The following MICU1 variants were observed in gnomAD, a reference collection of about 807,000 sequenced individuals.
MICU1 encodes mitochondrial calcium uptake 1.
Under a neutral mutation model 56.8 loss-of-function variants are expected in MICU1, and 45 were observed. The ratio of observed to expected loss-of-function variants is 0.79; its 90% CI spans 0.62 to 1.02. MICU1 has a LOEUF of 1.02. Ranked by LOEUF, MICU1 falls within the 50% of genes least tolerant of loss-of-function variation. The probability of loss-of-function intolerance (pLI) is 0.00; values close to 1 mark genes in which losing one functional copy is unlikely to be tolerated. For synonymous variants in MICU1, 186 were observed against 195.1 expected (o/e 0.95, Z 0.39); for missense variants, 504 against 587.1 (o/e 0.86, Z 1.46).
At chr10:72,388,043 A>C (rs773156162) in intron 10 of MICU1, among the ~76,000 whole-genome samples, 20 of 152,206 alleles carry the variant, frequency 1.3e-4, no homozygotes, top group Non-Finnish European at 2.2e-4. Flanking sequence ...TTGAGAACTT[A>C]AGGAATTTGT....
At position 72,407,997 on chromosome 10, in the gene MICU1, A is replaced by G; in HGVS notation, c.1112T>C (p.Leu371Pro). Reference protein sequence around the residue: ...FQEVENFFTFLKNINDVDTAL... With the variant: ...FQEVENFFTFPKNINDVDTAL... ...AGTGTCCACATCATTAATGTTCTTT[A>G]GGAAAGTAAAGAAGTTCTCCACCTC... Residue 371 changes from leucine (L) to proline (P), a missense_variant, in exon 10 of 12, where the codon CTA becomes CCA. Coordinates refer to ENST00000361114, the MANE Select transcript of MICU1 (RefSeq NM_001195518.2). 6.2e-7 allele frequency: 1 copy of G among 1,613,874 alleles called. No individual in the cohort carries two copies. Among genetic ancestry groups the G allele is most frequent in the South Asian group, 1.1e-5 (1 of 91,062 alleles).
chr10:72,455,350 CAAAAAAAAAAAA>C (rs56378605), intron 8 of MICU1, among the ~76,000 whole-genome samples: 2 of 44,204 alleles, frequency 4.5e-5, no homozygotes, highest in Admixed American at 4.2e-4. Context: ...GACTCTGTCT[CAAAAAAAAAAAA>C]AAAAAAAAAA....
chr10:72,620,779 C>G (rs950891463), intron 1 of MICU1, among the ~76,000 whole-genome samples: 3 of 152,288 alleles, frequency 2.0e-5, no homozygotes, highest in African/African-American at 7.2e-5. Context: ...TTTAACTTTT[C>G]AACGACAGGT....
intron 8 of MICU1, among the ~76,000 whole-genome samples, chr10:72,461,421 A>G (rs948199123): frequency 2.0e-5 from 3 of 152,220 alleles, no homozygotes; most frequent in Non-Finnish European, 4.4e-5. Flanking sequence ...GAGAAAACTG[A>G]GCAGTCCCCT....
In MICU1 at chr10:72,562,608, T is replaced by C. The variant is rs1840328630; in HGVS notation, c.330+287A>G. On this transcript the variant is annotated intron_variant, in intron 3 of 11. Coordinates refer to ENST00000361114, the MANE Select transcript of MICU1 (RefSeq NM_001195518.2). ...ACTCAACTTAACATATATGATAACA[T>C]TTAGCATCAGGAAGATCCAGAAAAA... 3.3e-5 allele frequency: 8 copies of C among 240,606 alleles called. No homozygotes were observed. The East Asian group carries it at 5.9e-4, about 18-fold the overall frequency. The allele number at this position is 240,606 out of a possible 1,614,324, so 14.9% of individuals were successfully genotyped here.
chr10:72,544,589 A>C (rs1427855557), intron 4 of MICU1, among the ~76,000 whole-genome samples: 1 of 152,166 alleles, frequency 6.6e-6, no homozygotes. Flanking sequence ...GAACTTTAAA[A>C]ATTCTCCCCA....
intron 5 of MICU1, among the ~76,000 whole-genome samples, chr10:72,523,548 G>A (rs1050823904): frequency 6.6e-6 from 1 of 152,028 alleles, no homozygotes; most frequent in Non-Finnish European, 1.5e-5. Context: ...TTCAAACAAA[G>A]GAAGTATAGA....
chr10:72,427,568 C>A (rs1864384118), intron 8 of MICU1, among the ~76,000 whole-genome samples: 1 of 151,942 alleles, frequency 6.6e-6, no homozygotes, highest in Non-Finnish European at 1.5e-5. Flanking sequence ...TGTCCATCCC[C>A]CAGAGTAAAT....
At chr10:72,442,528 A>G (rs1367131703) in intron 8 of MICU1, among the ~76,000 whole-genome samples, 1 of 152,188 alleles carries the variant, frequency 6.6e-6, no homozygotes, top group Admixed American at 6.5e-5. Context: ...TCCAAAGGAA[A>G]GTTTCATCAG....
At chr10:72,425,322 G>C (rs920515058) in intron 8 of MICU1, among the ~76,000 whole-genome samples, 1 of 152,246 alleles carries the variant, frequency 6.6e-6, no homozygotes, top group Admixed American at 6.5e-5. Flanking sequence ...TCACCAGATA[G>C]ATTCATGGTT....
At chr10:72,530,329 A>T (rs200835981) in intron 5 of MICU1, among the ~76,000 whole-genome samples, 1 of 58,150 alleles carries the variant, frequency 1.7e-5, no homozygotes, top group Non-Finnish European at 5.1e-5. Flanking sequence ...GCGAAACTCC[A>T]TATCAAAATA....
intron 1 of MICU1, among the ~76,000 whole-genome samples, chr10:72,606,526 T>C (rs1033542330): frequency 6.6e-6 from 1 of 150,486 alleles, no homozygotes; most frequent in South Asian, 2.1e-4. Context: ...AAAAAAAAAT[T>C]TTTTTTTAAG....
chr10:72,566,521 G>A (rs1022849389), intron 2 of MICU1, 112 bp downstream of exon 2: 60 of 1,107,316 alleles, frequency 5.4e-5, no homozygotes, highest in Middle Eastern at 2.4e-4. Flanking sequence ...CAAATGATCC[G>A]AGCAAGAAAT....
chr10:72,607,926 A>G (rs1225591361), intron 1 of MICU1, among the ~76,000 whole-genome samples: 1 of 152,172 alleles, frequency 6.6e-6, no homozygotes, highest in African/African-American at 2.4e-5. Flanking sequence ...AGTATCAGAC[A>G]TTGGTTAGGG....
chr10:72,479,931 T>C (rs1485931641), intron 6 of MICU1, among the ~76,000 whole-genome samples: 2 of 152,224 alleles, frequency 1.3e-5, no homozygotes, highest in Non-Finnish European at 2.9e-5. Context: ...CACTCCTATA[T>C]GTTATTTGCC....
chr10:72,425,418 G>A (rs559217683), intron 8 of MICU1, among the ~76,000 whole-genome samples: 38 of 152,312 alleles, frequency 2.5e-4, no homozygotes, highest in African/African-American at 8.7e-4. Flanking sequence ...CTTCATAGGG[G>A]CACAAGGCCT....
At chr10:72,547,878 T>C (rs554105486) in intron 4 of MICU1, among the ~76,000 whole-genome samples, 8 of 152,162 alleles carry the variant, frequency 5.3e-5, no homozygotes, top group Non-Finnish European at 1.0e-4. Flanking sequence ...AAAAGCCAAT[T>C]CAAGGGTATG....
At chr10:72,621,473 C>CA (rs34469318) in intron 1 of MICU1, among the ~76,000 whole-genome samples, 1 of 151,902 alleles carries the variant, frequency 6.6e-6, no homozygotes, top group Non-Finnish European at 1.5e-5. Flanking sequence ...GCCTGGGCGA[C>CA]AAGTGTAAAA....
chr10:72,496,641 A>G (rs770314923), intron 6 of MICU1, among the ~76,000 whole-genome samples: 3 of 151,944 alleles, frequency 2.0e-5, no homozygotes, highest in East Asian at 1.9e-4. Context: ...TCACCATGTT[A>G]GCCAGGCTGG....
Sources: gnomAD v4.1 joint callset for allele counts (sites outside exome capture counted in the v4.1 genomes callset) on GRCh38, gnomAD v4.1.1 for gene constraint, MANE v1.5 for transcripts, NCBI Gene and HGNC (gene_info 2026-07-23, HGNC 2026-07-21) for gene names.